The following CPAMD8 variants were observed in gnomAD, a reference collection of about 807,000 sequenced individuals.
CPAMD8 encodes the protein C3 and PZP like alpha-2-macroglobulin domain containing 8.
CPAMD8 carries 146 observed loss-of-function variants against 224.7 expected under a neutral mutation model. The observed-to-expected ratio is 0.65, with a 90% CI of 0.57 to 0.75. CPAMD8 has a LOEUF of 0.75. CPAMD8 is among the 30% of genes least tolerant of loss of function. The pLI, the probability that CPAMD8 is intolerant of heterozygous loss-of-function variation, is 0.00. For missense variants in CPAMD8, 2,301 were observed against 2,537.5 expected (o/e 0.91, Z 2.00); for synonymous variants, 966 against 1,044.6 (o/e 0.92, Z 1.45).
At chr19:16,895,888 C>A (rs1165578204) in intron 41 of CPAMD8, 5 of 533,458 alleles carry the variant, frequency 9.4e-6, no homozygotes, top group African/African-American at 2.1e-5. Context: ...CCCGTATGCG[C>A]GCGCGCGCGC....
At chr19:16,951,909 C>T (rs577742108) in intron 20 of CPAMD8, 60 bp downstream of exon 20, 8 of 1,065,178 alleles carry the variant, frequency 7.5e-6, no homozygotes, top group Non-Finnish European at 1.1e-5. Flanking sequence ...CTTATAGCAC[C>T]AATGCAGTCC....
chr19:16,921,015 C>T (rs4081723), intron 27 of CPAMD8, among the ~76,000 whole-genome samples: 75,584 of 151,798 alleles, frequency 0.5, 20,525 homozygotes, highest in Non-Finnish European at 0.6. Flanking sequence ...CTTGCTAAGA[C>T]GTGATTGGGG....
At chr19:16,908,376 A>C (rs2052603662) in intron 29 of CPAMD8, among the ~76,000 whole-genome samples, 1 of 139,896 alleles carries the variant, frequency 7.1e-6, no homozygotes, top group South Asian at 2.3e-4. Context: ...AAAAAAAAAA[A>C]TAATAGAAAT....
rs959176178 is a variant in CPAMD8, at chr19:16,893,334, G to C, written c.5432C>G (p.Thr1811Arg). 1 of 1,529,156 alleles carries C rather than the reference G, an allele frequency of 6.5e-7. No individual in the cohort carries two copies. Among genetic ancestry groups the C allele is most frequent in the African/African-American group, 1.4e-5 (1 of 72,826 alleles). The allele number at this position is 1,529,156 out of a possible 1,614,324, so 94.7% of individuals were successfully genotyped here. A position where few individuals can be genotyped will look rare whatever the true frequency, so the allele number is the denominator to read the frequency against. ...EPEGEAEDRV[T>R]AGPRPPVSSG... ...GCTCACAGGAGGCCGAGGCCCGGCTGTGACCCTGGAGATGAGGTTTTATCT... is the reference window on the plus strand; with the variant it reads ...GCTCACAGGAGGCCGAGGCCCGGCTCTGACCCTGGAGATGAGGTTTTATCT... The change falls in exon 42 of 42, where the codon ACA (threonine) becomes AGA (arginine). Residue 1811 changes from threonine (T) to arginine (R), a missense_variant. Physicochemically the swap from Thr to Arg is moderately conservative, Grantham distance 71. Around this residue, in one of 4 missense-constraint regions of CPAMD8, gnomAD observed 1,709 missense variants for 1,753.2 expected, o/e 0.97. Coordinates refer to ENST00000443236, the MANE Select transcript of CPAMD8 (RefSeq NM_015692.5).
chr19:16,948,017 G>A (rs1224201906), intron 20 of CPAMD8, among the ~76,000 whole-genome samples: 1 of 152,116 alleles, frequency 6.6e-6, no homozygotes, highest in Non-Finnish European at 1.5e-5. Context: ...TTGTGTGGGT[G>A]CATCATGTGC....
At chr19:17,002,593 C>A (rs1368351683) in intron 8 of CPAMD8, 14 of 399,700 alleles carry the variant, frequency 3.5e-5, no homozygotes, top group Non-Finnish European at 4.6e-5. Context: ...TTTTAGACCA[C>A]GTGCTTAGAG....
intron 18 of CPAMD8, among the ~76,000 whole-genome samples, chr19:16,967,871 ATG>A (rs1250236605): frequency 3.8e-5 from 5 of 132,730 alleles, no homozygotes; most frequent in Admixed American, 2.4e-4. Flanking sequence ...ACTTGTATAT[ATG>A]TGCATATATA....
chr19:16,892,962 T>A lies in CPAMD8; in HGVS notation c.*146A>T. ...TGCACCCCAGAACATGTGAGTAAGATCAGTAACGTGTATTCTTGTCAATAT... is the reference window on the plus strand; with the variant it reads ...TGCACCCCAGAACATGTGAGTAAGAACAGTAACGTGTATTCTTGTCAATAT... On this transcript the variant is annotated 3_prime_UTR_variant, in exon 42 of 42. Transcript: ENST00000443236. The A allele has an allele frequency of 1.3e-6, 1 of 763,218 alleles. No individual in the cohort carries two copies. Among genetic ancestry groups the A allele is most frequent in the Non-Finnish European group, 2.4e-6 (1 of 414,534 alleles). The allele number at this position is 763,218 out of a possible 1,614,324, so 47.3% of individuals were successfully genotyped here.
intron 14 of CPAMD8, among the ~76,000 whole-genome samples, chr19:16,977,812 C>G (rs1361607873): frequency 1.3e-5 from 2 of 152,154 alleles, no homozygotes; most frequent in African/African-American, 4.8e-5. Context: ...AACATGGTCC[C>G]TGCTCCCTGA....
At position 16,975,087 on chromosome 19, in the gene CPAMD8, C is replaced by T. The variant is rs371502281; in HGVS notation, c.2070+10G>A. The T allele has an allele frequency of 6.2e-7, 1 of 1,610,310 alleles. No individual in the cohort carries two copies. Among genetic ancestry groups the T allele is most frequent in the African/African-American group, 1.3e-5 (1 of 74,874 alleles). ...AGGGGGCAGAGGGATCTGAGACCACCTCTCCTTACGGTGAAGGCAAACCCA... is the reference window on the plus strand; with the variant it reads ...AGGGGGCAGAGGGATCTGAGACCACTTCTCCTTACGGTGAAGGCAAACCCA... On this transcript the variant is annotated intron_variant, in intron 17 of 41. Coordinates refer to ENST00000443236, the MANE Select transcript of CPAMD8 (RefSeq NM_015692.5).
At position 16,936,658 on chromosome 19, in the gene CPAMD8, C is replaced by T. The variant is rs373140003; in HGVS notation, c.2845+1737G>A. On this transcript the variant is annotated intron_variant, in intron 23 of 41. Transcript: ENST00000443236. ...TTGACCTCAAGTGATCCACCTGCCT[C>T]GGCCTCCCAAAGTGCTGGGATTACA... is the stretch of plus-strand genomic sequence containing the variant. Among the ~76,000 whole-genome samples, 143 of 151,794 alleles carry T rather than the reference C, an allele frequency of 9.4e-4. 3 individuals are homozygous for T. The South Asian group carries it at 0.029, about 31-fold the overall frequency.
Position 17,011,749 on chromosome 19 carries a change from C to G in CPAMD8, c.276G>C (p.Thr92=), listed in dbSNP as rs143659566. The change falls in exon 4 of 42, where the codon ACG becomes ACC. Residue 92 remains threonine (T), a synonymous_variant. Coordinates refer to ENST00000443236, the MANE Select transcript of CPAMD8 (RefSeq NM_015692.5). ...DKGTIKLKVP[T]GLRGQALLKV... is the part of the protein sequence containing the mutation. ...TCAGAAGCGCTTGGCCCCGGAGGCC[C>G]GTGGGCACCTGCAGGCAGAGGAAGG... The G allele has an allele frequency of 2.5e-6, 4 of 1,613,206 alleles. No homozygotes were observed. The highest frequency in any genetic ancestry group is 1.6e-4 in the Middle Eastern group (1 of 6,066).
Position 16,897,776 on chromosome 19 carries a change from G to C in CPAMD8, c.4980C>G (p.Asn1660Lys). The change falls in exon 39 of 42, where the codon AAC becomes AAG. Residue 1660 changes from asparagine to lysine, a missense_variant. By Grantham distance (94) the Asn-to-Lys change is moderately conservative. This residue lies in a region of CPAMD8 where 1,709 missense variants were observed against 1,753.2 expected (regional missense o/e 0.97). Transcript: ENST00000443236. The stretch of plus-strand genomic sequence containing the variant: ...GGGCGAGTGGGCTGTGGGTGCTGAC[G>C]TTGTAGAAGCGAGTGGCCTCGAAGG... ...EPAFEATRFY[N>K]VSTHSPLARE... 2 of 1,586,596 alleles carry C rather than the reference G, an allele frequency of 1.3e-6. No homozygotes were observed. Among genetic ancestry groups the C allele is most frequent in the Non-Finnish European group, 1.7e-6 (2 of 1,168,320 alleles).
intron 18 of CPAMD8, among the ~76,000 whole-genome samples, chr19:16,970,040 C>T (rs2054998260): frequency 6.7e-6 from 1 of 149,978 alleles, no homozygotes; most frequent in Non-Finnish European, 1.5e-5. Flanking sequence ...CGAGACCATC[C>T]TGGCTAACAC....
At chr19:16,979,461 T>TCCAA (rs2122750217) in intron 14 of CPAMD8, among the ~76,000 whole-genome samples, 1 of 151,068 alleles carries the variant, frequency 6.6e-6, no homozygotes, top group African/African-American at 2.4e-5. Context: ...CACCCATCCA[T>TCCAA]CTGTCCATTC....
intron 3 of CPAMD8, among the ~76,000 whole-genome samples, chr19:17,017,024 G>C (rs570305302): frequency 3.0e-4 from 46 of 152,256 alleles, no homozygotes; most frequent in African/African-American, 1.1e-3. Flanking sequence ...GAGGTGAGCA[G>C]TGGGTGAGCA....
Position 17,021,977 on chromosome 19 carries a change from G to A in CPAMD8, c.244+53C>T. ...CCCCAGCCCTGAAGGCCAGCAAGTG[G>A]CTCCACTTTGCAAAAGAAGGGGAAG... is the stretch of plus-strand genomic sequence containing the variant. On this transcript the variant is annotated intron_variant, in intron 2 of 41. Coordinates refer to ENST00000443236, the MANE Select transcript of CPAMD8 (RefSeq NM_015692.5). The A allele has an allele frequency of 2.6e-6, 4 of 1,514,190 alleles. No homozygotes were observed. The South Asian group carries it at 5.1e-5, about 19-fold the overall frequency. The allele number at this position is 1,514,190 out of a possible 1,614,324, so 93.8% of individuals were successfully genotyped here.
intron 7 of CPAMD8, among the ~76,000 whole-genome samples, chr19:17,005,139 T>C (rs2056450941): frequency 6.7e-6 from 1 of 149,006 alleles, no homozygotes; most frequent in South Asian, 2.1e-4. Context: ...CAAAGGTCAG[T>C]AGTACCAATG....
At chr19:16,945,309 C>G (rs2054033166) in intron 22 of CPAMD8, among the ~76,000 whole-genome samples, 1 of 152,146 alleles carries the variant, frequency 6.6e-6, no homozygotes, top group African/African-American at 2.4e-5. Context: ...TGCTGCAGCC[C>G]CTGAAGAGTC....
Sources: gnomAD v4.1 joint callset for allele counts (sites outside exome capture counted in the v4.1 genomes callset) on GRCh38, gnomAD v4.1.1 for gene constraint, gnomAD v4.1.1 regional missense constraint, MANE v1.5 for transcripts, NCBI Gene and HGNC (gene_info 2026-07-23, HGNC 2026-07-21) for gene names.